TARS1: variants seen among roughly 807,000 people sequenced by gnomAD.
The protein encoded by TARS1 is threonine--tRNA ligase 1, cytoplasmic.
Under a neutral mutation model 97.7 loss-of-function variants are expected in TARS1, and 57 were observed. That is an observed-to-expected ratio of 0.58 (90% confidence interval 0.47 to 0.73). TARS1 has a LOEUF of 0.73. Ranked by LOEUF, TARS1 falls within the 30% of genes least tolerant of loss-of-function variation. TARS1 has a pLI of 0.00. For missense variants in TARS1, 806 were observed against 888.3 expected (o/e 0.91, Z 1.18); for synonymous variants, 312 against 293.7 (o/e 1.06, Z -0.64).
chr5:33,461,145 T>C lies in TARS1; in HGVS notation c.1414-13T>C. On this transcript the variant is annotated splice_polypyrimidine_tract_variant and intron_variant, in intron 12 of 18. Coordinates refer to ENST00000265112, the MANE Select transcript of TARS1 (RefSeq NM_152295.5). The stretch of plus-strand genomic sequence containing the variant: ...AATAACTACTGTTTCTTTTTTTGTT[T>C]TTTAATTTGAAGATTGAAGATGAAA... 6.2e-7 allele frequency: 1 copy of C among 1,602,176 alleles called. No homozygotes were observed. Among genetic ancestry groups the C allele is most frequent in the Non-Finnish European group, 8.5e-7 (1 of 1,174,772 alleles).
chr5:33,441,221 G>A, intron 1 of TARS1, 78 bp downstream of exon 1: 1 of 1,575,802 alleles, frequency 6.3e-7, no homozygotes. Flanking sequence ...GCGGGAGCGG[G>A]GGGCAGGAAG....
At chr5:33,454,770 T>A (rs1741929032) in intron 4 of TARS1, among the ~76,000 whole-genome samples, 175 bp from the exon 5 acceptor site, 1 of 152,086 alleles carries the variant, frequency 6.6e-6, no homozygotes, top group South Asian at 2.1e-4. Flanking sequence ...TTGGAAGCCT[T>A]TTGAATTACT....
At position 33,458,544 on chromosome 5, in the gene TARS1, C is replaced by G. The variant is rs372948637; in HGVS notation, c.985-22C>G. 1.6e-5 allele frequency: 26 copies of G among 1,598,844 alleles called. 1 individual carries two copies. The highest frequency in any genetic ancestry group is 2.7e-5 in the African/African-American group (2 of 74,184). On this transcript the variant is annotated intron_variant, in intron 9 of 18. Coordinates refer to ENST00000265112, the MANE Select transcript of TARS1 (RefSeq NM_152295.5). ...CGTATACGTGACGTACATAAACATT[C>G]TTTTGCTTTTCTTTTACCCAGGACC...
chr5:33,467,481 C>A, intron 18 of TARS1, 79 bp from the exon 19 acceptor site: 1 of 1,524,544 alleles, frequency 6.6e-7, no homozygotes, highest in Non-Finnish European at 8.8e-7. Context: ...GTCCTAGGAT[C>A]ATTTCTTTTC....
intron 18 of TARS1, among the ~76,000 whole-genome samples, 198 bp downstream of exon 18, chr5:33,467,183 A>G (rs1241881040): frequency 7.2e-6 from 1 of 139,216 alleles, no homozygotes; most frequent in Admixed American, 7.3e-5. Context: ...TTTTTTTTTC[A>G]CTTAAATCAT....
In TARS1 at chr5:33,466,932, C is replaced by G; in HGVS notation, c.1970C>G (p.Thr657Arg). ...GACATTGATCTGGATCCAGGCTGTA[C>G]ATTGAATAAAAAGATTCGAAATGCA... is the stretch of plus-strand genomic sequence containing the variant. ...MADIDLDPGC[T>R]LNKKIRNAQL... is the part of the protein sequence containing the mutation. The change falls in exon 18 of 19, where the codon ACA (threonine) becomes AGA (arginine). Residue 657 changes from threonine to arginine, a missense_variant. Thr to Arg is a moderately conservative substitution (Grantham distance 71). Around this residue, in one of 3 missense-constraint regions of TARS1, gnomAD observed 446 missense variants for 511.0 expected, o/e 0.87. Transcript: ENST00000265112. 1 of 1,605,426 alleles carries G rather than the reference C, an allele frequency of 6.2e-7. No homozygotes were observed. Among genetic ancestry groups the G allele is most frequent in the Non-Finnish European group, 8.5e-7 (1 of 1,176,208 alleles).
chr5:33,461,974 G>A lies in TARS1; in HGVS notation c.1698G>A (p.Gln566=). 6.2e-7 allele frequency: 1 copy of A among 1,614,050 alleles called. No individual in the cohort carries two copies. Among genetic ancestry groups the A allele is most frequent in the Non-Finnish European group, 8.5e-7 (1 of 1,179,946 alleles). ...GTGCAACCATCCAGCTGGATTTCCAGTTGCCCATCAGATTTAATCTTACTT... is the reference window on the plus strand; with the variant it reads ...GTGCAACCATCCAGCTGGATTTCCAATTGCCCATCAGATTTAATCTTACTT... The part of the protein sequence containing the change: ...HQCATIQLDF[Q]LPIRFNLTYV... The change falls in exon 15 of 19, where the codon CAG becomes CAA. Residue 566 remains glutamine, a synonymous_variant. Transcript: ENST00000265112.
At chr5:33,452,232 G>T in intron 3 of TARS1, 1 of 819,304 alleles carries the variant, frequency 1.2e-6, no homozygotes, top group Admixed American at 2.1e-5. Context: ...TCTTCACAGT[G>T]TAGAATGTTG....
At chr5:33,448,483 A>G in intron 2 of TARS1, 58 bp from the exon 3 acceptor site, 1 of 1,370,148 alleles carries the variant, frequency 7.3e-7, no homozygotes, top group South Asian at 1.6e-5. Context: ...TCCCATTTCT[A>G]AATAGGAAAG....
chr5:33,447,535 C>G (rs533359192), intron 2 of TARS1, among the ~76,000 whole-genome samples: 1 of 152,336 alleles, frequency 6.6e-6, no homozygotes, highest in East Asian at 1.9e-4. Flanking sequence ...GAATGAACCA[C>G]CATGCCCTGC....
At chr5:33,451,046 G>A (rs1459797945) in intron 3 of TARS1, among the ~76,000 whole-genome samples, 1 of 152,138 alleles carries the variant, frequency 6.6e-6, no homozygotes, top group Non-Finnish European at 1.5e-5. Flanking sequence ...CTCGGGAGGT[G>A]GAGGTTGCAG....
chr5:33,453,293 G>T lies in TARS1; in HGVS notation c.334G>T (p.Gly112Cys). 1 of 1,557,040 alleles carries T rather than the reference G, an allele frequency of 6.4e-7. No individual in the cohort carries two copies. The highest frequency in any genetic ancestry group is 8.6e-7 in the Non-Finnish European group (1 of 1,156,528). The part of the protein sequence containing the change: ...PYQIACGISQ[G>C]LADNTVIAKV... ...TTTTTTTTTTTTTTTTTTAAGTCAA[G>T]GCCTGGCCGACAACACCGTTATTGC... The change falls in exon 4 of 19, where the codon GGC (glycine) becomes TGC (cysteine). Residue 112 changes from glycine to cysteine, a missense_variant. Physicochemically the swap from Gly to Cys is radical, Grantham distance 159 (BLOSUM62 -3). This residue lies in a region of TARS1 where 356 missense variants were observed against 357.8 expected (regional missense o/e 0.99). Transcript: ENST00000265112.
At chr5:33,462,884 A>G (rs1400858440) in intron 16 of TARS1, among the ~76,000 whole-genome samples, 1 of 152,220 alleles carries the variant, frequency 6.6e-6, no homozygotes, top group East Asian at 1.9e-4. Context: ...AATCTTACAC[A>G]TTACTGTCAT....
intron 9 of TARS1, among the ~76,000 whole-genome samples, chr5:33,457,636 C>T (rs1742095617): frequency 6.6e-6 from 1 of 152,194 alleles, no homozygotes; most frequent in East Asian, 1.9e-4. Flanking sequence ...TTATTGAGAG[C>T]AAACACTGAT....
intron 2 of TARS1, among the ~76,000 whole-genome samples, chr5:33,447,563 G>T (rs929866972): frequency 5.3e-5 from 8 of 152,054 alleles, no homozygotes; most frequent in African/African-American, 1.9e-4. Flanking sequence ...AGTTTCTTAA[G>T]GATTAGATAT....
intron 4 of TARS1, 75 bp downstream of exon 4, chr5:33,453,487 C>A: frequency 6.5e-7 from 1 of 1,550,172 alleles, no homozygotes; most frequent in Non-Finnish European, 8.7e-7. Context: ...CTCAGTCCTG[C>A]TGCGATTGGG....
In TARS1 at chr5:33,462,106, G is replaced by T. The variant is rs112666038; in HGVS notation, c.1738G>T (p.Gly580Cys). The T allele has an allele frequency of 4.8e-3, 7,781 of 1,611,496 alleles. 349 individuals carry two copies. The African/African-American group carries it at 0.092, about 19-fold the overall frequency. ...RFNLTYVSHDGDDKKRPVIVH... is the reference protein window; with the variant it reads ...RFNLTYVSHDCDDKKRPVIVH... ...TTTTTTTTTTCTTTATAGCCATGAT[G>T]GTGATGATAAGAAAAGGCCAGTGAT... The change falls in exon 16 of 19, where the codon GGT becomes TGT. Residue 580 changes from glycine to cysteine, a missense_variant. By Grantham distance (159) the Gly-to-Cys change is radical (BLOSUM62 -3). Around this residue, in one of 3 missense-constraint regions of TARS1, gnomAD observed 446 missense variants for 511.0 expected, o/e 0.87. Transcript: ENST00000265112.
rs750486042 is a variant in TARS1, at chr5:33,459,796, C to T, written c.1185C>T (p.Asn395=). The T allele has an allele frequency of 1.9e-6, 3 of 1,614,190 alleles. No homozygotes were observed. In the South Asian group the frequency reaches 3.3e-5, roughly 18 times the overall value. The change falls in exon 11 of 19, where the codon AAC becomes AAT. Residue 395 remains asparagine (N), a synonymous_variant. Transcript: ENST00000265112. ...TSGHWQHYSE[N]MFSFEVEKEL... ...GCCACTGGCAGCACTACAGCGAGAA[C>T]ATGTTCTCCTTTGAGGTGGAGAAGG...
At chr5:33,458,373 G>A (rs1453378864) in intron 9 of TARS1, among the ~76,000 whole-genome samples, 193 bp from the exon 10 acceptor site, 1 of 152,144 alleles carries the variant, frequency 6.6e-6, no homozygotes, top group South Asian at 2.1e-4. Flanking sequence ...TTACACGTCT[G>A]CCAAATTGTA....
Sources: gnomAD v4.1 joint callset for allele counts (sites outside exome capture counted in the v4.1 genomes callset) on GRCh38, gnomAD v4.1.1 for gene constraint, gnomAD v4.1.1 regional missense constraint, MANE v1.5 for transcripts, NCBI Gene and HGNC (gene_info 2026-07-23, HGNC 2026-07-21) for gene names.